SEC16B: variants seen among roughly 807,000 people sequenced by gnomAD.
SEC16B encodes the protein SEC16 homolog B, endoplasmic reticulum export factor.
In SEC16B, 115 loss-of-function variants were observed where a neutral mutation model predicts 141.8. The observed-to-expected ratio is 0.81, with a 90% CI of 0.70 to 0.95. SEC16B has a LOEUF of 0.95. SEC16B is among the 40% of genes least tolerant of loss of function. The pLI, the probability that SEC16B is intolerant of heterozygous loss-of-function variation, is 0.00. For synonymous variants in SEC16B, 493 were observed against 492.5 expected, an observed-to-expected ratio of 1.00 and a Z score of -0.01; for missense variants, 1,291 against 1,312.3, an observed-to-expected ratio of 0.98 and a Z score of 0.25.
chr1:177,967,653 T>C lies in SEC16B; in HGVS notation c.299+30A>G, dbSNP rs774331023. On this transcript the variant is annotated intron_variant, in intron 2 of 25. Coordinates refer to ENST00000308284, the MANE Select transcript of SEC16B (RefSeq NM_033127.4). Reference sequence around the variant, plus strand: ...ACCTATTCATACGCATTTAGGAGAGTTGCATTCATTCCAAGCCCTAAAGCC... The same window carrying C: ...ACCTATTCATACGCATTTAGGAGAGCTGCATTCATTCCAAGCCCTAAAGCC... 3.0e-5 allele frequency: 46 copies of C among 1,517,254 alleles called. No individual in the cohort carries two copies. The South Asian group carries it at 5.2e-4, about 17-fold the overall frequency. 94.0% of individuals were successfully genotyped at this position (1,517,254 alleles called of 1,614,324 possible).
chr1:177,970,857 T>C (rs1653913582), upstream of SEC16B, among the ~76,000 whole-genome samples: 3 of 152,208 alleles, frequency 2.0e-5, no homozygotes, highest in African/African-American at 7.2e-5. Flanking sequence ...TCTCAACAAA[T>C]GCTTACTGTG....
chr1:177,930,185 G>C (rs1315694616), intron 25 of SEC16B, among the ~76,000 whole-genome samples: 1 of 152,160 alleles, frequency 6.6e-6, no homozygotes, highest in African/African-American at 2.4e-5. Flanking sequence ...AGGGAACTTA[G>C]CTTCTCTCAA....
chr1:177,962,361 T>G (rs924636334), intron 5 of SEC16B, among the ~76,000 whole-genome samples: 6 of 150,468 alleles, frequency 4.0e-5, no homozygotes, highest in Non-Finnish European at 8.9e-5. Context: ...TGAGCCACCA[T>G]GCCTGGCCCT....
rs550860680 is a variant in SEC16B at position 177,963,149 on chromosome 1, T to G, written c.642+1022A>C. ...ATAAAAAGTAAAGCTCTTTGTACAG[T>G]GTAAGGTGCTGTACATATGTATGTG... On this transcript the variant is annotated intron_variant, in intron 5 of 25. Transcript: ENST00000308284. Among the ~76,000 whole-genome samples the G allele has an allele frequency of 2.0e-5, 3 of 151,850 alleles. No homozygotes were observed. The Admixed American group carries it at 2.0e-4, about 10-fold the overall frequency.
At chr1:177,936,733 T>C (rs1319384654) in intron 19 of SEC16B, among the ~76,000 whole-genome samples, 1 of 152,078 alleles carries the variant, frequency 6.6e-6, no homozygotes, top group Non-Finnish European at 1.5e-5. Flanking sequence ...GCTTCCACCA[T>C]CTCCCTGGCA....
intron 4 of SEC16B, 96 bp from the exon 5 acceptor site, chr1:177,964,375 G>T: frequency 1.3e-6 from 1 of 749,542 alleles, no homozygotes; most frequent in Non-Finnish European, 2.2e-6. Context: ...CAAAGCGTGG[G>T]CAGGTACCAT....
intron 13 of SEC16B, among the ~76,000 whole-genome samples, chr1:177,947,081 T>A (rs1651771305): frequency 6.6e-6 from 1 of 152,134 alleles, no homozygotes; most frequent in Admixed American, 6.5e-5. Context: ...TCAACAAACA[T>A]TAGTTCCCTT....
At chr1:177,965,457 G>A (rs914128283) in intron 3 of SEC16B, among the ~76,000 whole-genome samples, 1 of 150,290 alleles carries the variant, frequency 6.7e-6, no homozygotes, top group Non-Finnish European at 1.5e-5. Context: ...CAGTTCAGAT[G>A]CTGCCATTAA....
chr1:177,933,337 T>C, intron 21 of SEC16B, 25 bp from the exon 22 acceptor site: 9 of 1,579,602 alleles, frequency 5.7e-6, no homozygotes, highest in South Asian at 1.2e-5. Flanking sequence ...GGACATTTTA[T>C]GACCTGCAGG....
chr1:177,932,700 C>A lies in SEC16B; in HGVS notation c.2930G>T (p.Arg977Ile). Residue 977 changes from arginine to isoleucine, a missense_variant and splice_region_variant, in exon 23 of 26, where the codon AGA becomes ATA. Physicochemically the swap from Arg to Ile is moderately conservative, Grantham distance 97. Coordinates refer to ENST00000308284, the MANE Select transcript of SEC16B (RefSeq NM_033127.4). ...LPDVSAFSRG[R>I]GGGEGRGSAS... Reference sequence around the variant, plus strand: ...CAGAGGACGTGAGGTGACGGTACCTCTGCCCCTGGAGAAGGCACTAACATC... The same window carrying A: ...CAGAGGACGTGAGGTGACGGTACCTATGCCCCTGGAGAAGGCACTAACATC... The A allele has an allele frequency of 6.3e-7, 1 of 1,584,284 alleles. No individual in the cohort carries two copies.
At chr1:177,978,470 G>C (rs1211762193) in intron 1 of SEC16B, among the ~76,000 whole-genome samples, 5 of 152,076 alleles carry the variant, frequency 3.3e-5, no homozygotes, top group East Asian at 3.9e-4. Context: ...AATTTGGGAG[G>C]CTGAGGCAGG....
At chr1:177,958,078 G>C in intron 10 of SEC16B, 54 bp downstream of exon 10, 1 of 1,246,326 alleles carries the variant, frequency 8.0e-7, no homozygotes, top group South Asian at 2.1e-5. Context: ...GTGAGTGGTG[G>C]AGAGGGATGG....
rs41267162 is a variant in SEC16B at position 177,969,944 on chromosome 1, C to T, written c.-119G>A. On this transcript the variant is annotated 5_prime_UTR_variant, in exon 1 of 26. Transcript: ENST00000308284. ...CTCCAGGGACCTGGCCCAAGAGTGC[C>T]TCCTCTCCTCTTGGAGACTGTCAAA... The T allele has an allele frequency of 1.3e-5, 2 of 152,388 alleles. No individual in the cohort carries two copies. The highest frequency in any genetic ancestry group is 2.4e-5 in the African/African-American group (1 of 41,544). 9.4% of individuals were successfully genotyped at this position (152,388 alleles called of 1,614,324 possible).
chr1:177,960,389 A>G lies in SEC16B; in HGVS notation c.951T>C (p.Asp317=), dbSNP rs1490247670. The G allele has an allele frequency of 4.4e-6, 7 of 1,599,004 alleles. No individual in the cohort carries two copies. Among genetic ancestry groups the G allele is most frequent in the Admixed American group, 1.7e-5 (1 of 58,858 alleles). The change falls in exon 8 of 26, where the codon GAT becomes GAC. Residue 317 remains aspartate, a synonymous_variant. Transcript: ENST00000308284. ...TTCTCATCTCCTCTTGCTCTTCGGA[A>G]TCATTAAGAATAACCTGGAATAAAA... The part of the protein sequence containing the change: ...ELHSMEVILN[D]SEEQEEMRSF...
intron 17 of SEC16B, among the ~76,000 whole-genome samples, 158 bp from the exon 18 acceptor site, chr1:177,939,935 G>C (rs1651151913): frequency 1.3e-5 from 2 of 152,176 alleles, no homozygotes; most frequent in African/African-American, 4.8e-5. Context: ...GGGTCACGTG[G>C]ACAGGGCTCC....
At chr1:177,979,388 T>C (rs978080138) in intron 1 of SEC16B, among the ~76,000 whole-genome samples, 3 of 152,220 alleles carry the variant, frequency 2.0e-5, no homozygotes, top group Non-Finnish European at 4.4e-5. Flanking sequence ...CACTGTTCCA[T>C]GTACAGAAAT....
intron 1 of SEC16B, among the ~76,000 whole-genome samples, chr1:177,983,663 G>A (rs111451989): frequency 0.011 from 1,719 of 152,224 alleles, 41 homozygotes; most frequent in African/African-American, 0.037. Context: ...GATCCAAGCC[G>A]GAGTTCTATT....
chr1:177,964,160 C>T lies in SEC16B; in HGVS notation c.642+11G>A, dbSNP rs1653313319. The T allele has an allele frequency of 1.2e-6, 2 of 1,603,300 alleles. No individual in the cohort carries two copies. Among genetic ancestry groups the T allele is most frequent in the Non-Finnish European group, 1.7e-6 (2 of 1,172,744 alleles). ...GCCACAGTCTCCAGCCCCCACGTCA[C>T]TTTAGGTTACCTTATTTTTCTGGGC... On this transcript the variant is annotated intron_variant, in intron 5 of 25. Coordinates refer to ENST00000308284, the MANE Select transcript of SEC16B (RefSeq NM_033127.4).
At chr1:177,974,086 T>C (rs955835429), upstream of SEC16B, among the ~76,000 whole-genome samples, 1 of 152,062 alleles carries the variant, frequency 6.6e-6, no homozygotes, top group African/African-American at 2.4e-5. Context: ...AAGTCAAGGA[T>C]GATCCAAGTT....
Sources: gnomAD v4.1 joint callset for allele counts (sites outside exome capture counted in the v4.1 genomes callset) on GRCh38, gnomAD v4.1.1 for gene constraint, MANE v1.5 for transcripts, NCBI Gene and HGNC (gene_info 2026-07-23, HGNC 2026-07-21) for gene names.